The following ATP2B2 variants were observed in gnomAD, a reference collection of about 807,000 sequenced individuals.
The protein encoded by ATP2B2 is plasma membrane calcium-transporting ATPase 2.
Under a neutral mutation model 120.0 loss-of-function variants are expected in ATP2B2, and 15 were observed. That is an observed-to-expected ratio of 0.12 (90% CI 0.08 to 0.19). ATP2B2 has a LOEUF of 0.19. Ranked by LOEUF, ATP2B2 falls within the 10% of genes least tolerant of loss-of-function variation. ATP2B2 has a pLI of 1.00. For synonymous variants in ATP2B2, 694 were observed against 700.3 expected, an observed-to-expected ratio of 0.99 and a Z score of 0.14; for missense variants, 1,045 against 1,719.8, an observed-to-expected ratio of 0.61 and a Z score of 6.94.
chr3:10,707,493 A>G (rs1445901680), intron 1 of ATP2B2, among the ~76,000 whole-genome samples: 1 of 152,176 alleles, frequency 6.6e-6, no homozygotes. Flanking sequence ...GCCAGGAGAA[A>G]GGGGGCCCCC....
At chr3:10,330,455 C>T (rs983230000) in intron 22 of ATP2B2, among the ~76,000 whole-genome samples, 3 of 152,270 alleles carry the variant, frequency 2.0e-5, no homozygotes, top group Non-Finnish European at 4.4e-5. Flanking sequence ...TGCCTGTCAT[C>T]TCAAGAGTCT....
intron 2 of ATP2B2, among the ~76,000 whole-genome samples, chr3:10,583,477 A>T (rs1390426746): frequency 6.6e-6 from 1 of 152,234 alleles, no homozygotes; most frequent in East Asian, 1.9e-4. Flanking sequence ...GCAGGTATAG[A>T]TCCTTTACCT....
In ATP2B2 at chr3:10,641,725, G is replaced by C. The variant is rs1445906553; in HGVS notation, c.-459-21764C>G. ...GGGAGATGTGCTGTGAAAGGAAGGA[G>C]TTCTGAGGGACCGGGAAAGGAGGGC... On this transcript the variant is annotated intron_variant, in intron 1 of 21. Transcript: ENST00000646379. Among the ~76,000 whole-genome samples the C allele has an allele frequency of 3.3e-5, 5 of 152,288 alleles. No individual in the cohort carries two copies. The East Asian group carries it at 9.6e-4, about 29-fold the overall frequency.
intron 2 of ATP2B2, among the ~76,000 whole-genome samples, chr3:10,605,636 G>T (rs2069041949): frequency 1.5e-5 from 2 of 137,562 alleles, no homozygotes; most frequent in South Asian, 4.9e-4. Flanking sequence ...CCAACACACT[G>T]GGACCCTATC....
At chr3:10,537,018 T>C (rs1363588045) in intron 2 of ATP2B2, among the ~76,000 whole-genome samples, 7 of 152,234 alleles carry the variant, frequency 4.6e-5, no homozygotes, top group Non-Finnish European at 7.3e-5. Flanking sequence ...CTCCATTGAA[T>C]TGCTTTTGTA....
chr3:10,489,065 G>T (rs1452639538), intron 1 of ATP2B2, among the ~76,000 whole-genome samples: 1 of 152,124 alleles, frequency 6.6e-6, no homozygotes, highest in Non-Finnish European at 1.5e-5. Flanking sequence ...CCAACTCACT[G>T]AGCATGTCCC....
At chr3:10,529,498 T>C (rs1464370935) in intron 3 of ATP2B2, among the ~76,000 whole-genome samples, 1 of 152,238 alleles carries the variant, frequency 6.6e-6, no homozygotes, top group Non-Finnish European at 1.5e-5. Flanking sequence ...AAGATGCCAA[T>C]GGGCATCTCC....
intron 2 of ATP2B2, among the ~76,000 whole-genome samples, chr3:10,612,466 C>G (rs771960817): frequency 1.3e-5 from 2 of 152,120 alleles, no homozygotes; most frequent in Non-Finnish European, 2.9e-5. Context: ...CTTGGTTCTC[C>G]TCCTACCTCT....
intron 3 of ATP2B2, among the ~76,000 whole-genome samples, chr3:10,520,511 C>T (rs551821489): frequency 6.6e-6 from 1 of 152,272 alleles, no homozygotes; most frequent in South Asian, 2.1e-4. Context: ...CATTCTGTCA[C>T]CCAGGCTGGA....
At position 10,340,942 on chromosome 3, in the gene ATP2B2, T is replaced by G. The variant is rs1440207512; in HGVS notation, c.2918-238A>C. On this transcript the variant is annotated intron_variant, in intron 19 of 22. Transcript: ENST00000360273. The surrounding 1 kb of genome is among the most constrained non-coding windows in gnomAD (Gnocchi z 5.0). ...AAGGCCTTGGGCAACTGTCTTCCAC[T>G]TTTTCTGTGGAAACCCGATAAAGGT... Among the ~76,000 whole-genome samples, 2 of 152,110 alleles carry G rather than the reference T, an allele frequency of 1.3e-5. No homozygotes were observed. Among genetic ancestry groups the G allele is most frequent in the East Asian group, 1.9e-4 (1 of 5,196 alleles).
intron 3 of ATP2B2, among the ~76,000 whole-genome samples, chr3:10,514,276 G>C (rs1455589616): frequency 6.6e-6 from 1 of 152,182 alleles, no homozygotes; most frequent in Non-Finnish European, 1.5e-5. Flanking sequence ...GAGTGGTTGA[G>C]GGGAGCAGGG....
chr3:10,350,275 T>G, intron 15 of ATP2B2, 76 bp from the exon 16 acceptor site: 3 of 1,568,686 alleles, frequency 1.9e-6, no homozygotes, highest in South Asian at 1.1e-5. Context: ...GGAGGGGACA[T>G]GCCCAGAGTC....
intron 3 of ATP2B2, among the ~76,000 whole-genome samples, chr3:10,514,863 T>A (rs572319870): frequency 3.3e-5 from 5 of 152,174 alleles, no homozygotes; most frequent in Admixed American, 6.5e-5. Context: ...TCACTGCACA[T>A]CCCCCTGCAG....
chr3:10,386,605 A>G, intron 6 of ATP2B2, 93 bp from the exon 7 acceptor site: 18 of 1,341,562 alleles, frequency 1.3e-5, no homozygotes, highest in Non-Finnish European at 1.8e-5. Flanking sequence ...ACACATGTGC[A>G]TACACACATG....
At chr3:10,629,438 T>C (rs1162951750) in intron 1 of ATP2B2, among the ~76,000 whole-genome samples, 1 of 152,186 alleles carries the variant, frequency 6.6e-6, no homozygotes, top group East Asian at 1.9e-4. Flanking sequence ...AGAAGGAGGA[T>C]GTGTTGATCA....
At chr3:10,487,424 G>A (rs1326939155) in intron 1 of ATP2B2, among the ~76,000 whole-genome samples, 2 of 152,198 alleles carry the variant, frequency 1.3e-5, no homozygotes, top group African/African-American at 2.4e-5. Flanking sequence ...GGTCCTGCCT[G>A]GCTTACCTTA....
At position 10,324,311 on chromosome 3, in the gene ATP2B2, C is replaced by T. The variant is rs947512068; in HGVS notation, c.*4503G>A. 6.6e-6 allele frequency: 1 copy of T among 151,720 alleles called. No individual in the cohort carries two copies. Among genetic ancestry groups the T allele is most frequent in the African/African-American group, 2.4e-5 (1 of 41,218 alleles). The allele number at this position is 151,720 out of a possible 1,614,324, so 9.4% of individuals were successfully genotyped here. The stretch of plus-strand genomic sequence containing the variant: ...GAGGAAAGGTCCAGGAGGGAGAGCA[C>T]CACAGGCATTACAAAACAGACTTAG... On this transcript the variant is annotated 3_prime_UTR_variant, in exon 23 of 23. Coordinates refer to ENST00000360273, the MANE Select transcript of ATP2B2 (RefSeq NM_001001331.4).
chr3:10,342,798 G>A lies in ATP2B2; in HGVS notation c.2871C>T (p.Gly957=), dbSNP rs142263830. The A allele has an allele frequency of 6.2e-6, 10 of 1,614,002 alleles. No homozygotes were observed. The African/African-American group carries it at 1.3e-4, about 22-fold the overall frequency. The change falls in exon 19 of 23, where the codon GGC becomes GGT. Residue 957 remains glycine (G), a synonymous_variant. Coordinates refer to ENST00000360273, the MANE Select transcript of ATP2B2 (RefSeq NM_001001331.4). This position sits in a 1 kb window ranked among gnomAD's most constrained non-coding sequence, Gnocchi z 4.4. ...ISRTMMKNIL[G]HAVYQLALIF... ...TGAGGGCAAGCTGGTAGACAGCATG[G>A]CCCAGGATGTTCTTCATCATGGTCC...
chr3:10,610,062 TACATATAC>T (rs2069186596), intron 2 of ATP2B2, among the ~76,000 whole-genome samples: 1 of 125,506 alleles, frequency 8.0e-6, no homozygotes, highest in African/African-American at 3.1e-5. Context: ...CATACACATA[TACATATAC>T]ACACATACAC....
Sources: allele counts gnomAD v4.1 joint callset (sites outside exome capture counted in the v4.1 genomes callset), GRCh38; gene constraint gnomAD v4.1.1; non-coding constraint Gnocchi (gnomAD v3.1); transcripts MANE v1.5; gene names NCBI Gene and HGNC (gene_info 2026-07-23, HGNC 2026-07-21).